G3BP2: variants seen among roughly 807,000 people sequenced by gnomAD.
G3BP2 encodes the protein G3BP stress granule assembly factor 2.
A neutral mutation model predicts 56.7 loss-of-function variants in G3BP2; 11 were observed. The ratio of observed to expected loss-of-function variants is 0.19; its 90% CI spans 0.12 to 0.32. The LOEUF is 0.32. G3BP2 is among the 10% of genes least tolerant of loss of function. The pLI, the probability that G3BP2 is intolerant of heterozygous loss-of-function variation, is 1.00. For missense variants in G3BP2, 340 were observed against 610.9 expected (o/e 0.56, Z 4.67); for synonymous variants, 165 against 191.6 (o/e 0.86, Z 1.15).
chr4:75,714,408 C>A (rs994391474), intron 3 of G3BP2, among the ~76,000 whole-genome samples: 1 of 152,192 alleles, frequency 6.6e-6, no homozygotes, highest in African/African-American at 2.4e-5. Context: ...GGGCAGATCA[C>A]GTGAGGTCAG....
chr4:75,692,955 G>A (rs1346783705), intron 3 of G3BP2, among the ~76,000 whole-genome samples: 1 of 152,120 alleles, frequency 6.6e-6, no homozygotes, highest in African/African-American at 2.4e-5. Flanking sequence ...TTTTAAAATC[G>A]AGAAATTTCA....
chr4:75,709,028 T>C (rs116765742), intron 3 of G3BP2, among the ~76,000 whole-genome samples: 342 of 152,084 alleles, frequency 2.2e-3, no homozygotes, highest in African/African-American at 7.8e-3. Flanking sequence ...GAGAATAACC[T>C]GAGTCCAGGA....
chr4:75,693,306 C>T (rs1184097991), intron 3 of G3BP2, among the ~76,000 whole-genome samples: 2 of 152,178 alleles, frequency 1.3e-5, no homozygotes, highest in East Asian at 1.9e-4. Context: ...TAGCTTCTCT[C>T]GAAAAAGACG....
chr4:75,693,057 A>T (rs113557911), intron 3 of G3BP2, among the ~76,000 whole-genome samples: 1 of 151,884 alleles, frequency 6.6e-6, no homozygotes, highest in African/African-American at 2.4e-5. Context: ...CCGCCTGGCA[A>T]ATATGGTGAA....
chr4:75,655,396 T>C lies in G3BP2; in HGVS notation c.546-150A>G, dbSNP rs183540300. On this transcript the variant is annotated intron_variant, in intron 6 of 11. Coordinates refer to ENST00000359707, the MANE Select transcript of G3BP2 (RefSeq NM_203505.3). ...CAAAGCAAAATTCCAAAAAGAGCTATAAGACAGAAGGAATAATACTCTCAA... is the reference window on the plus strand; with the variant it reads ...CAAAGCAAAATTCCAAAAAGAGCTACAAGACAGAAGGAATAATACTCTCAA... 384 of 643,290 alleles carry C rather than the reference T, an allele frequency of 6.0e-4. 1 individual carries two copies. In the African/African-American group the frequency reaches 6.4e-3, roughly 11 times the overall value. 39.8% of individuals were successfully genotyped at this position (643,290 alleles called of 1,614,324 possible). A position where few individuals can be genotyped will look rare whatever the true frequency, so the allele number is the denominator to read the frequency against.
intron 3 of G3BP2, among the ~76,000 whole-genome samples, chr4:75,679,004 T>C (rs866398870): frequency 1.3e-5 from 2 of 152,246 alleles, no homozygotes; most frequent in Admixed American, 1.3e-4. Flanking sequence ...CTTACATTTG[T>C]ATAGCATTTT....
At chr4:75,721,018 A>G (rs1397355089) in intron 2 of G3BP2, among the ~76,000 whole-genome samples, 2 of 148,514 alleles carry the variant, frequency 1.3e-5, no homozygotes, top group African/African-American at 5.0e-5. Flanking sequence ...GATGGTGTGC[A>G]CCTGTAGTCC....
chr4:75,667,637 T>C (rs1317791114), intron 1 of G3BP2, among the ~76,000 whole-genome samples: 1 of 152,150 alleles, frequency 6.6e-6, no homozygotes, highest in Non-Finnish European at 1.5e-5. Flanking sequence ...CATGCCTACT[T>C]CCCAGCACTT....
At chr4:75,676,769 C>T (rs1418566196), upstream of G3BP2, among the ~76,000 whole-genome samples, 1 of 152,236 alleles carries the variant, frequency 6.6e-6, no homozygotes, top group African/African-American at 2.4e-5. Flanking sequence ...GTTCCCCTCA[C>T]AGCAGCCAGA....
chr4:75,706,509 G>GTC (rs1343461830), intron 3 of G3BP2, among the ~76,000 whole-genome samples: 2 of 151,654 alleles, frequency 1.3e-5, no homozygotes, highest in East Asian at 2.0e-4. Flanking sequence ...GAAACCCCAT[G>GTC]TCTACTAAAA....
chr4:75,665,744 A>G (rs533598766), intron 1 of G3BP2, among the ~76,000 whole-genome samples: 1 of 152,166 alleles, frequency 6.6e-6, no homozygotes, highest in Non-Finnish European at 1.5e-5. Context: ...CAGTAGACTT[A>G]CCTGGTAAAA....
At chr4:75,658,989 G>A in intron 2 of G3BP2, 65 bp from the exon 3 acceptor site, 1 of 1,242,266 alleles carries the variant, frequency 8.0e-7, no homozygotes, top group Admixed American at 1.7e-5. Flanking sequence ...CAGAATTCTG[G>A]TGTCATAGAC....
chr4:75,687,109 T>A (rs944470226), intron 3 of G3BP2, among the ~76,000 whole-genome samples: 1 of 152,098 alleles, frequency 6.6e-6, no homozygotes, highest in Admixed American at 6.5e-5. Flanking sequence ...AGCAGTATTT[T>A]TTTTTTTAAC....
chr4:75,713,445 C>T (rs142152638), intron 3 of G3BP2, among the ~76,000 whole-genome samples: 137 of 152,200 alleles, frequency 9.0e-4, no homozygotes, highest in African/African-American at 3.0e-3. Context: ...AGTAACTGTA[C>T]AATGGAGAAG....
At chr4:75,696,104 A>G (rs1719109213) in intron 3 of G3BP2, among the ~76,000 whole-genome samples, 1 of 152,200 alleles carries the variant, frequency 6.6e-6, no homozygotes, top group African/African-American at 2.4e-5. Context: ...CTTACTGAAG[A>G]AAGGACACAT....
At chr4:75,691,635 G>A (rs6840402) in intron 3 of G3BP2, among the ~76,000 whole-genome samples, 1 of 152,194 alleles carries the variant, frequency 6.6e-6, no homozygotes, top group African/African-American at 2.4e-5. Context: ...TATGAGCAGC[G>A]CTCAACAGGA....
intron 9 of G3BP2, among the ~76,000 whole-genome samples, chr4:75,648,358 A>G (rs1731395718): frequency 1.0e-4 from 1 of 9,882 alleles, no homozygotes; most frequent in African/African-American, 2.3e-4. Flanking sequence ...AAAAAAAAAC[A>G]AACAAACAAA....
At chr4:75,719,817 G>GACCTCAGGTGATCCACCC (rs1203293641) in intron 3 of G3BP2, among the ~76,000 whole-genome samples, 1 of 151,902 alleles carries the variant, frequency 6.6e-6, no homozygotes, top group Non-Finnish European at 1.5e-5. Context: ...TCAAGCTCCC[G>GACCTCAGGTGATCCACCC]ACCTCAGGTG....
At chr4:75,645,904 G>A (rs1382194742) in intron 11 of G3BP2, among the ~76,000 whole-genome samples, 1 of 152,026 alleles carries the variant, frequency 6.6e-6, no homozygotes, top group East Asian at 1.9e-4. Context: ...TTGACATCCT[G>A]GGCTCAAGTG....
Sources: allele counts gnomAD v4.1 joint callset (sites outside exome capture counted in the v4.1 genomes callset), GRCh38; gene constraint gnomAD v4.1.1; transcripts MANE v1.5; gene names NCBI Gene and HGNC (gene_info 2026-07-23, HGNC 2026-07-21).